The following FAM240B variants were observed in gnomAD, a reference collection of about 807,000 sequenced individuals.
FAM240B encodes protein FAM240B.
In FAM240B at chr9:38,703,893, A is replaced by G. The variant is rs1380240306; in HGVS notation, c.107T>C (p.Leu36Pro). 7.5e-6 allele frequency: 3 copies of G among 400,352 alleles called. No homozygotes were observed. The highest frequency in any genetic ancestry group is 6.2e-5 in the African/African-American group (3 of 48,648). The allele number at this position is 400,352 out of a possible 1,614,324, so 24.8% of individuals were successfully genotyped here. Residue 36 changes from leucine (L) to proline (P), a missense_variant, in exon 2 of 3, where the codon CTG (leucine) becomes CCG (proline). Physicochemically the swap from Leu to Pro is moderately conservative, Grantham distance 98. Coordinates refer to ENST00000637493, the MANE Select transcript of FAM240B (RefSeq NM_001394922.1). ...EISKQTFYRELEEDRQERSAL... is the reference protein window; with the variant it reads ...EISKQTFYREPEEDRQERSAL... The stretch of plus-strand genomic sequence containing the variant: ...GCTTCTTTCTTGACGATCTTCCTCC[A>G]GTTCTCGGTAAAAAGTCTGTTTGCT...
chr9:38,715,410 T>C (rs961598960), intron 1 of FAM240B, among the ~76,000 whole-genome samples: 9 of 152,266 alleles, frequency 5.9e-5, no homozygotes, highest in African/African-American at 2.2e-4. Context: ...AATAAAATCC[T>C]GGACTGCCTA....
At chr9:38,714,851 G>A (rs992846432) in intron 1 of FAM240B, among the ~76,000 whole-genome samples, 4 of 152,168 alleles carry the variant, frequency 2.6e-5, no homozygotes, top group African/African-American at 7.2e-5. Context: ...TAAATGCAAC[G>A]TGGCATCCTG....
chr9:38,699,673 C>T (rs1476231025), intron 2 of FAM240B, among the ~76,000 whole-genome samples: 1 of 152,196 alleles, frequency 6.6e-6, no homozygotes, highest in Non-Finnish European at 1.5e-5. Context: ...GGCTTTGGCT[C>T]ATACACGATG....
At chr9:38,700,064 C>T (rs1258841240) in intron 2 of FAM240B, among the ~76,000 whole-genome samples, 1 of 152,200 alleles carries the variant, frequency 6.6e-6, no homozygotes, top group Non-Finnish European at 1.5e-5. Context: ...AGGGGCAGAG[C>T]TCAGTGTGTT....
intron 2 of FAM240B, among the ~76,000 whole-genome samples, chr9:38,699,120 G>C (rs1280224306): frequency 6.6e-6 from 1 of 152,178 alleles, no homozygotes; most frequent in Non-Finnish European, 1.5e-5. Context: ...TTCAAATTGA[G>C]ACCAAGTAAT....
intron 1 of FAM240B, among the ~76,000 whole-genome samples, chr9:38,711,015 ACAG>A (rs1821249104): frequency 6.6e-6 from 1 of 152,148 alleles, no homozygotes; most frequent in Admixed American, 6.5e-5. Context: ...GCTCATGACA[ACAG>A]CTGGATACCG....
intron 1 of FAM240B, among the ~76,000 whole-genome samples, chr9:38,714,979 G>T (rs905112640): frequency 6.6e-6 from 1 of 152,192 alleles, no homozygotes; most frequent in Non-Finnish European, 1.5e-5. Flanking sequence ...AATGTACCAT[G>T]GCTACGTAAG....
chr9:38,718,231 G>A (rs1357732720), intron 1 of FAM240B, among the ~76,000 whole-genome samples: 1 of 152,182 alleles, frequency 6.6e-6, no homozygotes, highest in Non-Finnish European at 1.5e-5. Context: ...AAAAATTCCA[G>A]AGTAAATCAT....
chr9:38,717,439 G>T (rs1331781090), intron 1 of FAM240B, among the ~76,000 whole-genome samples: 2 of 151,924 alleles, frequency 1.3e-5, no homozygotes, highest in Non-Finnish European at 2.9e-5. Context: ...TGAGTATAGC[G>T]AGAGACTCTG....
chr9:38,713,707 A>C (rs1821282025), intron 1 of FAM240B, among the ~76,000 whole-genome samples: 1 of 152,102 alleles, frequency 6.6e-6, no homozygotes, highest in Admixed American at 6.6e-5. Flanking sequence ...TTTAGAGGGG[A>C]AAGATTATGA....
At chr9:38,715,481 G>A (rs750908561) in intron 1 of FAM240B, among the ~76,000 whole-genome samples, 2 of 152,234 alleles carry the variant, frequency 1.3e-5, no homozygotes, top group African/African-American at 2.4e-5. Flanking sequence ...AGCCTGTGGA[G>A]TCCTGGTGTG....
chr9:38,695,129 A>T (rs1479952888), intron 2 of FAM240B, among the ~76,000 whole-genome samples: 1 of 152,174 alleles, frequency 6.6e-6, no homozygotes, highest in African/African-American at 2.4e-5. Flanking sequence ...TAAAACCTAG[A>T]TGACGGGTTG....
chr9:38,714,020 C>T (rs1821284607), intron 1 of FAM240B, among the ~76,000 whole-genome samples: 1 of 152,072 alleles, frequency 6.6e-6, no homozygotes. Flanking sequence ...TTTGTAGTGT[C>T]ACAAAGTAAC....
rs80305146 is a variant in FAM240B, at chr9:38,694,822, A to G, written c.191T>C (p.Leu64Pro). ...RQRLERRLRM[L>P]DNPVEKEKPA... ...CTTTTCCTTCTCAACAGGGTTGTCCAGCATCCTCAGCCTCCTCTCCAGCCT... is the reference window on the plus strand; with the variant it reads ...CTTTTCCTTCTCAACAGGGTTGTCCGGCATCCTCAGCCTCCTCTCCAGCCT... The change falls in exon 3 of 3, where the codon CTG becomes CCG. Residue 64 changes from leucine to proline, a missense_variant. Physicochemically the swap from Leu to Pro is moderately conservative, Grantham distance 98. Coordinates refer to ENST00000637493, the MANE Select transcript of FAM240B (RefSeq NM_001394922.1). The G allele has an allele frequency of 6.5e-3, 2,602 of 398,760 alleles. 51 individuals carry two copies. The highest frequency in any genetic ancestry group is 0.038 in the African/African-American group (1,855 of 48,734). 24.7% of individuals were successfully genotyped at this position (398,760 alleles called of 1,614,324 possible).
intron 2 of FAM240B, among the ~76,000 whole-genome samples, chr9:38,700,649 T>G (rs989566873): frequency 3.3e-5 from 5 of 152,264 alleles, no homozygotes. Flanking sequence ...ACATCATGCC[T>G]ATACGACACT....
chr9:38,698,028 G>T (rs118054778), intron 2 of FAM240B, among the ~76,000 whole-genome samples: 3 of 152,186 alleles, frequency 2.0e-5, no homozygotes, highest in Admixed American at 1.3e-4. Context: ...TTTACATATG[G>T]CTATGGCTGC....
intron 2 of FAM240B, among the ~76,000 whole-genome samples, chr9:38,702,823 C>T (rs1406661223): frequency 6.6e-6 from 1 of 152,158 alleles, no homozygotes; most frequent in Non-Finnish European, 1.5e-5. Flanking sequence ...GTCAACCTAA[C>T]CCTGAAATTT....
At chr9:38,694,899 G>A in intron 2 of FAM240B, 30 bp from the exon 3 acceptor site, 1 of 398,602 alleles carries the variant, frequency 2.5e-6, no homozygotes, top group Non-Finnish European at 4.4e-6. Flanking sequence ...CACATGCTCA[G>A]TGCATTTGTC....
chr9:38,713,188 T>G (rs958221210), intron 1 of FAM240B, among the ~76,000 whole-genome samples: 2 of 152,000 alleles, frequency 1.3e-5, no homozygotes, highest in Non-Finnish European at 2.9e-5. Context: ...AGTTCAAGAA[T>G]TAGATTTCGG....
Sources: allele counts gnomAD v4.1 joint callset (sites outside exome capture counted in the v4.1 genomes callset), GRCh38; gene constraint gnomAD v4.1.1; transcripts MANE v1.5; gene names NCBI Gene and HGNC (gene_info 2026-07-23, HGNC 2026-07-21).